Variants in WDFY3 observed in about 807,000 individuals in gnomAD.
The protein encoded by WDFY3 is WD repeat and FYVE domain-containing protein 3.
In WDFY3, 66 loss-of-function variants were observed where a neutral mutation model predicts 409.6. The observed-to-expected ratio is 0.16, with a 90% CI of 0.13 to 0.20. The LOEUF is 0.20. WDFY3 is among the 10% of genes least tolerant of loss of function. The pLI is 1.00. For missense variants in WDFY3, 3,031 were observed against 4,298.1 expected (o/e 0.71, Z 8.24); for synonymous variants, 1,521 against 1,537.1 (o/e 0.99, Z 0.25).
chr4:84,778,608 G>A lies in WDFY3; in HGVS notation c.4413C>T (p.His1471=). 1 of 1,612,998 alleles carries A rather than the reference G, an allele frequency of 6.2e-7. No individual in the cohort carries two copies. The highest frequency in any genetic ancestry group is 8.5e-7 in the Non-Finnish European group (1 of 1,179,726). Residue 1471 remains histidine, a synonymous_variant, in exon 27 of 68, where the codon CAC becomes CAT. Coordinates refer to ENST00000295888, the MANE Select transcript of WDFY3 (RefSeq NM_014991.6). ...CCAAAGAAAAAGTTAGATGGAGGAT[G>A]TGGCTGTTAAGAAGGGAACGTTTCT... The part of the protein sequence containing the change: ...LKKKRSLLNS[H]ILHLTFSLVG...
At chr4:84,766,685 A>G (rs1395590941) in intron 30 of WDFY3, among the ~76,000 whole-genome samples, 2 of 152,248 alleles carry the variant, frequency 1.3e-5, no homozygotes, top group Non-Finnish European at 2.9e-5. Flanking sequence ...AATAAAAATA[A>G]TAATCACCAC....
chr4:84,822,331 CAT>C (rs1204126804), intron 10 of WDFY3, among the ~76,000 whole-genome samples: 2 of 152,070 alleles, frequency 1.3e-5, no homozygotes, highest in Non-Finnish European at 2.9e-5. Flanking sequence ...AAAAAATTAA[CAT>C]AGTGTCTGAC....
At chr4:84,882,470 C>T (rs906235360) in intron 3 of WDFY3, among the ~76,000 whole-genome samples, 3 of 152,168 alleles carry the variant, frequency 2.0e-5, no homozygotes, top group African/African-American at 7.2e-5. Context: ...CCTGCTGACA[C>T]ACCTAACTTA....
chr4:84,698,124 G>C (rs1191027399), intron 56 of WDFY3, among the ~76,000 whole-genome samples: 1 of 152,032 alleles, frequency 6.6e-6, no homozygotes, highest in African/African-American at 2.4e-5. Context: ...AGGTAAAAAG[G>C]CTACTTGAGA....
At chr4:84,832,897 A>G (rs1755954978) in intron 7 of WDFY3, among the ~76,000 whole-genome samples, 1 of 152,186 alleles carries the variant, frequency 6.6e-6, no homozygotes, top group Non-Finnish European at 1.5e-5. Flanking sequence ...TCTTCTCTAA[A>G]AAGGACAGTT....
chr4:84,884,784 C>A (rs1763971450), intron 3 of WDFY3, among the ~76,000 whole-genome samples: 1 of 152,076 alleles, frequency 6.6e-6, no homozygotes, highest in African/African-American at 2.4e-5. Context: ...GAGGCAGACC[C>A]ATATATCTAA....
rs114945997 is a variant in WDFY3, at chr4:84,888,110, T to C, written c.-32+8801A>G. On this transcript the variant is annotated intron_variant, in intron 3 of 67. Coordinates refer to ENST00000295888, the MANE Select transcript of WDFY3 (RefSeq NM_014991.6). The stretch of plus-strand genomic sequence containing the variant: ...ACATGTAACTACATTTTCTTTTCCT[T>C]TGAGGATCTCCCGCTATCTTTAATT... Among the ~76,000 whole-genome samples, 811 of 152,316 alleles carry C rather than the reference T, an allele frequency of 5.3e-3. 8 individuals carry two copies. The highest frequency in any genetic ancestry group is 0.018 in the African/African-American group (762 of 41,560).
At chr4:84,797,532 T>A (rs1442873134) in intron 18 of WDFY3, among the ~76,000 whole-genome samples, 1 of 151,858 alleles carries the variant, frequency 6.6e-6, no homozygotes, top group Non-Finnish European at 1.5e-5. Flanking sequence ...TTTCTACTCT[T>A]AGCAAAGGAA....
intron 9 of WDFY3, among the ~76,000 whole-genome samples, chr4:84,828,754 C>A (rs1206133780): frequency 2.0e-5 from 3 of 152,120 alleles, no homozygotes; most frequent in Non-Finnish European, 4.4e-5. Context: ...TAAAAATTAG[C>A]TGGGTGTGGT....
At position 84,860,620 on chromosome 4, in the gene WDFY3, A is replaced by G. The variant is rs1258450056; in HGVS notation, c.-29T>C. ...GGCTGGTTGGTGAGACGCACTTCTA[A>G]TTCTGTAGGAAAATGTCAATACATG... On this transcript the variant is annotated splice_region_variant and 5_prime_UTR_variant, in exon 4 of 68. Transcript: ENST00000295888. 1.3e-6 allele frequency: 2 copies of G among 1,570,222 alleles called. No homozygotes were observed. The highest frequency in any genetic ancestry group is 1.7e-6 in the Non-Finnish European group (2 of 1,151,846).
intron 24 of WDFY3, 99 bp from the exon 25 acceptor site, chr4:84,783,173 C>A: frequency 9.3e-7 from 1 of 1,077,820 alleles, no homozygotes; most frequent in Non-Finnish European, 1.4e-6. Context: ...CATATCTTTT[C>A]TCTCCTCCCT....
intron 2 of WDFY3, among the ~76,000 whole-genome samples, chr4:84,901,456 A>G (rs1369881745): frequency 6.6e-6 from 1 of 152,176 alleles, no homozygotes; most frequent in Non-Finnish European, 1.5e-5. Context: ...AGTCCCTTCC[A>G]GCAAGCAGGC....
intron 23 of WDFY3, 152 bp from the exon 24 acceptor site, chr4:84,786,291 CATTT>C: frequency 1.4e-6 from 1 of 726,574 alleles, no homozygotes; most frequent in Non-Finnish European, 2.1e-6. Flanking sequence ...CTCAGCTCTT[CATTT>C]ATTTCTTTAA....
chr4:84,862,699 T>C lies in WDFY3; in HGVS notation c.-31-2077A>G, dbSNP rs1760811442. ...ACTCCAACACTTCAAAAAAAATTTTTTTTTTCTGCTGGGCGCGGCGGCTGA... is the reference window on the plus strand; with the variant it reads ...ACTCCAACACTTCAAAAAAAATTTTCTTTTTCTGCTGGGCGCGGCGGCTGA... On this transcript the variant is annotated intron_variant, in intron 3 of 67. Coordinates refer to ENST00000295888, the MANE Select transcript of WDFY3 (RefSeq NM_014991.6). Among the ~76,000 whole-genome samples, 7 of 152,156 alleles carry C rather than the reference T, an allele frequency of 4.6e-5. No individual in the cohort carries two copies. The South Asian group carries it at 1.5e-3, about 32-fold the overall frequency.
Position 84,817,478 on chromosome 4 carries a change from T to C in WDFY3, c.1801A>G (p.Asn601Asp), listed in dbSNP as rs1205732142. The C allele has an allele frequency of 2.5e-6, 4 of 1,613,658 alleles. No individual in the cohort carries two copies. In the Admixed American group the frequency reaches 5.0e-5, roughly 20 times the overall value. ...MTIQQLVLSPNGDDDMGTLLG... is the reference protein window; with the variant it reads ...MTIQQLVLSPDGDDDMGTLLG... ...AGAGTGCCCATGTCATCGTCCCCAT[T>C]TGGGGAGAGCACCAGCTGTTGGATA... is the stretch of plus-strand genomic sequence containing the variant. Residue 601 changes from asparagine to aspartate, a missense_variant, in exon 13 of 68, where the codon AAT (asparagine) becomes GAT (aspartate). Asn to Asp is a conservative substitution (Grantham distance 23, BLOSUM62 1). This residue lies in a region of WDFY3 where 1,322 missense variants were observed against 1,697.9 expected (regional missense o/e 0.78). Coordinates refer to ENST00000295888, the MANE Select transcript of WDFY3 (RefSeq NM_014991.6).
intron 3 of WDFY3, among the ~76,000 whole-genome samples, chr4:84,869,197 A>T (rs777218295): frequency 1.3e-5 from 2 of 152,152 alleles, no homozygotes; most frequent in Non-Finnish European, 2.9e-5. Flanking sequence ...CATCATTAGG[A>T]ATTTATTTCT....
intron 4 of WDFY3, among the ~76,000 whole-genome samples, 199 bp from the exon 5 acceptor site, chr4:84,850,224 T>C (rs1328840280): frequency 1.3e-5 from 2 of 152,212 alleles, no homozygotes; most frequent in African/African-American, 4.8e-5. Flanking sequence ...CATATAAATT[T>C]GTTGAAGAAA....
chr4:84,789,400 G>C (rs578154235), intron 22 of WDFY3, among the ~76,000 whole-genome samples: 1 of 152,238 alleles, frequency 6.6e-6, no homozygotes, highest in South Asian at 2.1e-4. Context: ...AAAATAGTGT[G>C]TTCACCGTTA....
At chr4:84,939,617 C>T (rs1201985629) in intron 1 of WDFY3, among the ~76,000 whole-genome samples, 4 of 151,940 alleles carry the variant, frequency 2.6e-5, no homozygotes, top group Admixed American at 2.6e-4. Flanking sequence ...GGATTTATTC[C>T]TATTTCTAAT....
Sources: allele counts gnomAD v4.1 joint callset (sites outside exome capture counted in the v4.1 genomes callset), GRCh38; gene constraint gnomAD v4.1.1; regional missense constraint gnomAD v4.1.1; transcripts MANE v1.5; gene names NCBI Gene and HGNC (gene_info 2026-07-23, HGNC 2026-07-21).